The following SNX9 variants were observed in gnomAD, a reference collection of about 807,000 sequenced individuals.
SNX9 encodes the protein sorting nexin-9.
SNX9 carries 44 observed loss-of-function variants against 89.4 expected under a neutral mutation model. That is an observed-to-expected ratio of 0.49 (90% CI 0.39 to 0.63). The LOEUF is 0.63. SNX9 is among the 30% of genes least tolerant of loss of function. The pLI is 0.00. For synonymous variants in SNX9, 236 were observed against 247.8 expected (o/e 0.95, Z 0.45); for missense variants, 578 against 736.1 (o/e 0.79, Z 2.49).
chr6:157,846,790 T>C (rs1781814070), intron 1 of SNX9, among the ~76,000 whole-genome samples: 1 of 152,182 alleles, frequency 6.6e-6, no homozygotes, highest in Non-Finnish European at 1.5e-5. Flanking sequence ...CTCACACCTG[T>C]AATCCCAGCA....
At chr6:157,869,984 C>T (rs923525872) in intron 2 of SNX9, among the ~76,000 whole-genome samples, 1 of 152,054 alleles carries the variant, frequency 6.6e-6, no homozygotes, top group Non-Finnish European at 1.5e-5. Context: ...ACACACGTAC[C>T]TTCTCACTCT....
At chr6:157,885,306 G>A (rs1782711057) in intron 4 of SNX9, 1 of 152,070 alleles carries the variant, frequency 6.6e-6, no homozygotes, top group African/African-American at 2.4e-5. Context: ...TTAGAAGAAT[G>A]TACAAGTTTT....
intron 4 of SNX9, among the ~76,000 whole-genome samples, chr6:157,876,610 T>G (rs1429550601): frequency 1.3e-5 from 2 of 152,250 alleles, no homozygotes; most frequent in African/African-American, 4.8e-5. Flanking sequence ...GATTGATCAC[T>G]GTAATTGAAG....
chr6:157,934,987 T>G (rs1487873736), intron 13 of SNX9, among the ~76,000 whole-genome samples: 1 of 152,024 alleles, frequency 6.6e-6, no homozygotes, highest in East Asian at 1.9e-4. Flanking sequence ...ATGTGAGCAT[T>G]AGTGAAAATA....
intron 1 of SNX9, among the ~76,000 whole-genome samples, chr6:157,841,750 C>T (rs1781707491): frequency 6.6e-6 from 1 of 152,102 alleles, no homozygotes; most frequent in Non-Finnish European, 1.5e-5. Context: ...CGACAAGGTC[C>T]CACTTATCTT....
chr6:157,854,378 G>GT (rs1438476028), intron 1 of SNX9, among the ~76,000 whole-genome samples: 1 of 152,194 alleles, frequency 6.6e-6, no homozygotes, highest in Non-Finnish European at 1.5e-5. Context: ...AAAGAACAAA[G>GT]TAGCTATGCT....
At chr6:157,941,964 T>C (rs150724960) in intron 17 of SNX9, among the ~76,000 whole-genome samples, 148 of 152,322 alleles carry the variant, frequency 9.7e-4, no homozygotes, top group African/African-American at 3.4e-3. Context: ...TATATTAGAA[T>C]ATAACAGATT....
chr6:157,933,227 G>A (rs949024988), intron 13 of SNX9, among the ~76,000 whole-genome samples: 2 of 152,088 alleles, frequency 1.3e-5, no homozygotes, highest in African/African-American at 2.4e-5. Context: ...CCAGGAGGTC[G>A]AGGCTATAGT....
intron 9 of SNX9, among the ~76,000 whole-genome samples, 198 bp downstream of exon 9, chr6:157,910,223 A>G (rs1180968618): frequency 6.6e-6 from 1 of 152,250 alleles, no homozygotes; most frequent in African/African-American, 2.4e-5. Context: ...AACGTCTCAC[A>G]AGAACGTTTA....
At chr6:157,914,716 G>A (rs911240753) in intron 9 of SNX9, among the ~76,000 whole-genome samples, 6 of 151,964 alleles carry the variant, frequency 3.9e-5, no homozygotes, top group African/African-American at 7.3e-5. Context: ...GAGCTCAAGC[G>A]GTCCACCCAC....
At chr6:157,879,813 C>T (rs531955751) in intron 4 of SNX9, among the ~76,000 whole-genome samples, 3 of 152,174 alleles carry the variant, frequency 2.0e-5, no homozygotes, top group East Asian at 1.9e-4. Context: ...ATCTTAAACT[C>T]TCAGATTACT....
Position 157,889,090 on chromosome 6 carries a change from A to C in SNX9, c.301-7737A>C, listed in dbSNP as rs567959229. ...AGCCGAGGGGATTATTGCATGACCA[A>C]ATGTCTGCAGTTGAGAGACCAAAGG... On this transcript the variant is annotated intron_variant, in intron 4 of 17. Transcript: ENST00000392185. 2.6e-4 allele frequency among the ~76,000 whole-genome samples: 40 copies of C among 152,290 alleles called. 1 individual carries two copies. The South Asian group carries it at 6.6e-3, about 25-fold the overall frequency.
intron 1 of SNX9, among the ~76,000 whole-genome samples, chr6:157,858,350 GA>G (rs1473168736): frequency 6.6e-6 from 1 of 151,406 alleles, no homozygotes; most frequent in African/African-American, 2.4e-5. Context: ...GGGTTCAAGT[GA>G]TTCTCCTGCC....
chr6:157,915,623 TAAAAAAAA>T (rs1172699831), intron 9 of SNX9, among the ~76,000 whole-genome samples: 3 of 71,264 alleles, frequency 4.2e-5, no homozygotes, highest in African/African-American at 2.2e-4. Flanking sequence ...CCATCTCTAC[TAAAAAAAA>T]AAAAAAAAAA....
intron 1 of SNX9, among the ~76,000 whole-genome samples, chr6:157,840,805 T>C (rs1781689524): frequency 6.6e-6 from 1 of 152,160 alleles, no homozygotes; most frequent in South Asian, 2.1e-4. Flanking sequence ...TATTTTGCAT[T>C]CGAGATTTTG....
chr6:157,861,866 A>C (rs1307996671), intron 1 of SNX9, among the ~76,000 whole-genome samples: 9 of 152,216 alleles, frequency 5.9e-5, no homozygotes, highest in Admixed American at 6.5e-5. Flanking sequence ...ACTCTTGTGC[A>C]TCAGGGTCAT....
chr6:157,865,769 T>C (rs1394495442), intron 1 of SNX9, among the ~76,000 whole-genome samples: 1 of 152,226 alleles, frequency 6.6e-6, no homozygotes, highest in Non-Finnish European at 1.5e-5. Context: ...TATGAACCTT[T>C]ATTCTCATTA....
intron 4 of SNX9, among the ~76,000 whole-genome samples, chr6:157,880,981 T>C (rs1782610911): frequency 6.6e-6 from 1 of 152,260 alleles, no homozygotes; most frequent in South Asian, 2.1e-4. Flanking sequence ...TTGTTAATTA[T>C]AGTTATCTCA....
At chr6:157,919,008 A>G (rs1783529113) in intron 9 of SNX9, among the ~76,000 whole-genome samples, 1 of 152,158 alleles carries the variant, frequency 6.6e-6, no homozygotes, top group African/African-American at 2.4e-5. Flanking sequence ...TTAGAAAAAA[A>G]TATATCTATA....
Sources: allele counts gnomAD v4.1 joint callset (sites outside exome capture counted in the v4.1 genomes callset), GRCh38; gene constraint gnomAD v4.1.1; transcripts MANE v1.5; gene names NCBI Gene and HGNC (gene_info 2026-07-23, HGNC 2026-07-21).